The following SLCO1A2 variants were observed in gnomAD, a reference collection of about 807,000 sequenced individuals.
The protein encoded by SLCO1A2 is OATP-1.
SLCO1A2 carries 67 observed loss-of-function variants against 69.0 expected under a neutral mutation model. That is an observed-to-expected ratio of 0.97 (90% CI 0.80 to 1.19). SLCO1A2 has a LOEUF of 1.19. Ranked by LOEUF, SLCO1A2 falls within the 50% of genes most tolerant of loss-of-function variation. The probability of loss-of-function intolerance (pLI) is 0.00; values close to 1 mark genes in which losing one functional copy is unlikely to be tolerated. For missense variants in SLCO1A2, 787 were observed against 793.7 expected (o/e 0.99, Z 0.10); for synonymous variants, 260 against 265.9 (o/e 0.98, Z 0.22).
chr12:21,282,404 AACT>A (rs1437575933), intron 12 of SLCO1A2, among the ~76,000 whole-genome samples: 1 of 152,080 alleles, frequency 6.6e-6, no homozygotes, highest in African/African-American at 2.4e-5. Context: ...TAAAAAAAAA[AACT>A]CTCAAAAAAC....
chr12:21,324,480 T>G (rs1952046028), intron 2 of SLCO1A2: 1 of 152,194 alleles, frequency 6.6e-6, no homozygotes, highest in Non-Finnish European at 1.5e-5. Flanking sequence ...AATATGTTAT[T>G]CTAGTCAAAG....
rs12303514 is a variant in SLCO1A2, at chr12:21,324,095, G to C, written c.61-5172C>G. On this transcript the variant is annotated intron_variant, in intron 2 of 14. Transcript: ENST00000683939. ...CATTAATATTTTGACAATCAAAAGAGTATTTGTGTGTCAGAATGGAAAATG... is the reference window on the plus strand; with the variant it reads ...CATTAATATTTTGACAATCAAAAGACTATTTGTGTGTCAGAATGGAAAATG... 5.3e-3 allele frequency among the ~76,000 whole-genome samples: 813 copies of C among 152,290 alleles called. 5 individuals are homozygous for C. Among genetic ancestry groups the C allele is most frequent in the African/African-American group, 0.016 (650 of 41,566 alleles).
upstream of SLCO1A2, among the ~76,000 whole-genome samples, chr12:21,335,974 A>G (rs571167114): frequency 2.2e-4 from 33 of 152,250 alleles, no homozygotes; most frequent in African/African-American, 7.7e-4. Context: ...TTAAACTTTC[A>G]TTGGGAAAGA....
chr12:21,274,221 GAAC>G (rs939807861), intron 14 of SLCO1A2: 1 of 367,594 alleles, frequency 2.7e-6, no homozygotes, highest in Non-Finnish European at 5.0e-6. Flanking sequence ...AGAATTTAAC[GAAC>G]AACACTTTGA....
chr12:21,418,572 C>G (rs1451407764), upstream of SLCO1A2, among the ~76,000 whole-genome samples: 3 of 152,052 alleles, frequency 2.0e-5, no homozygotes, highest in East Asian at 5.8e-4. Flanking sequence ...GAATGAGAGC[C>G]AAGTGAAAGG....
chr12:21,274,666 A>C (rs1943474673), intron 13 of SLCO1A2, 80 bp from the exon 14 acceptor site: 1 of 1,022,272 alleles, frequency 9.8e-7, no homozygotes, highest in Non-Finnish European at 1.5e-6. Context: ...AATTTTCTTT[A>C]TTTGTACGGC....
intron 2 of SLCO1A2, among the ~76,000 whole-genome samples, chr12:21,351,477 C>T (rs566255763): frequency 6.6e-6 from 1 of 152,144 alleles, no homozygotes; most frequent in Admixed American, 6.5e-5. Flanking sequence ...CTTATAAATA[C>T]TACTAGTAAA....
rs142006765 is a variant in SLCO1A2 at position 21,340,720 on chromosome 12, C to T, written c.-62-6011G>A. The stretch of plus-strand genomic sequence containing the variant: ...TGAGCTTGCCTAGTGGTAAAATTGA[C>T]ACTTTGGACTCCACGTGCAATACTT... On this transcript the variant is annotated intron_variant, in intron 2 of 15. Transcript: ENST00000307378. 5.4e-4 allele frequency among the ~76,000 whole-genome samples: 82 copies of T among 151,958 alleles called. 1 individual carries two copies. In the East Asian group the frequency reaches 0.016, roughly 29 times the overall value.
At chr12:21,351,452 A>T (rs1041815924) in intron 2 of SLCO1A2, among the ~76,000 whole-genome samples, 1 of 152,120 alleles carries the variant, frequency 6.6e-6, no homozygotes, top group African/African-American at 2.4e-5. Context: ...CATTTTTTTT[A>T]GATGCCTTAT....
chr12:21,411,038 C>A (rs930684373), intron 1 of SLCO1A2, among the ~76,000 whole-genome samples: 1 of 151,960 alleles, frequency 6.6e-6, no homozygotes, highest in Non-Finnish European at 1.5e-5. Flanking sequence ...TTTGTAATTT[C>A]ATTCTTTATG....
intron 2 of SLCO1A2, among the ~76,000 whole-genome samples, chr12:21,332,785 G>A (rs1046465689): frequency 1.3e-5 from 2 of 151,984 alleles, no homozygotes; most frequent in Non-Finnish European, 2.9e-5. Flanking sequence ...CTTTACCTTT[G>A]TGACCTAATC....
At chr12:21,287,198 A>G (rs1222068230) in intron 12 of SLCO1A2, among the ~76,000 whole-genome samples, 3 of 145,496 alleles carry the variant, frequency 2.1e-5, no homozygotes, top group South Asian at 2.3e-4. Context: ...AAAGTGGGCA[A>G]AGGACATGAA....
chr12:21,343,221 G>GT (rs1247577069), intron 2 of SLCO1A2, among the ~76,000 whole-genome samples: 1 of 152,076 alleles, frequency 6.6e-6, no homozygotes, highest in African/African-American at 2.4e-5. Context: ...TGGAGACATG[G>GT]TTGCCCATTT....
intron 5 of SLCO1A2, among the ~76,000 whole-genome samples, chr12:21,304,950 G>A (rs1429471565): frequency 6.6e-6 from 1 of 152,184 alleles, no homozygotes; most frequent in Non-Finnish European, 1.5e-5. Context: ...GACTCATTCA[G>A]CTGCTACAAG....
intron 2 of SLCO1A2, chr12:21,355,053 C>G (rs1591874056): frequency 6.6e-6 from 1 of 152,126 alleles, no homozygotes; most frequent in Non-Finnish European, 1.5e-5. Context: ...CAAAAATACA[C>G]TAAATCACTA....
chr12:21,292,144 T>G lies in SLCO1A2; in HGVS notation c.1610+20A>C, dbSNP rs1349793340. The G allele has an allele frequency of 2.7e-6, 4 of 1,503,364 alleles. No homozygotes were observed. Among genetic ancestry groups the G allele is most frequent in the Non-Finnish European group, 2.7e-6 (3 of 1,125,446 alleles). The allele number at this position is 1,503,364 out of a possible 1,614,324, so 93.1% of individuals were successfully genotyped here. On this transcript the variant is annotated intron_variant, in intron 12 of 14. Transcript: ENST00000683939. ...ATAAATGACCCCAAAAAAATATAAA[T>G]AAAGAAAATAATTTTGTACCTCAAG...
intron 4 of SLCO1A2, among the ~76,000 whole-genome samples, chr12:21,312,664 C>T (rs1950366229): frequency 6.6e-6 from 1 of 151,998 alleles, no homozygotes; most frequent in Non-Finnish European, 1.5e-5. Flanking sequence ...TAATAATTGG[C>T]CTAATTTCAA....
chr12:21,331,854 A>C (rs1261975921), intron 2 of SLCO1A2, among the ~76,000 whole-genome samples: 3 of 152,120 alleles, frequency 2.0e-5, no homozygotes, highest in African/African-American at 7.2e-5. Context: ...GAGAAAAATA[A>C]ATTTTAGATC....
chr12:21,366,697 A>C (rs888099057), intron 2 of SLCO1A2, among the ~76,000 whole-genome samples: 1 of 152,092 alleles, frequency 6.6e-6, no homozygotes, highest in Non-Finnish European at 1.5e-5. Context: ...ATAACGATGG[A>C]TATTACATCA....
Sources: gnomAD v4.1 joint callset for allele counts (sites outside exome capture counted in the v4.1 genomes callset) on GRCh38, gnomAD v4.1.1 for gene constraint, MANE v1.5 for transcripts, NCBI Gene and HGNC (gene_info 2026-07-23, HGNC 2026-07-21) for gene names.